Variants in SLC24A2 observed in about 807,000 individuals in gnomAD.
The protein encoded by SLC24A2 is solute carrier family 24 member 2, also known as sodium/potassium/calcium exchanger 2.
A neutral mutation model predicts 62.0 loss-of-function variants in SLC24A2; 36 were observed. The ratio of observed to expected loss-of-function variants is 0.58; its 90% CI spans 0.44 to 0.77. The LOEUF is 0.77. SLC24A2 is among the 30% of genes least tolerant of loss of function. The pLI is 0.00. For synonymous variants in SLC24A2, 358 were observed against 294.0 expected, an observed-to-expected ratio of 1.22 and a Z score of -2.23; for missense variants, 846 against 817.9, an observed-to-expected ratio of 1.03 and a Z score of -0.42.
In SLC24A2 at chr9:19,707,933, G is replaced by A. The variant is rs1364635564; in HGVS notation, c.930+78004C>T. Among the ~76,000 whole-genome samples, 5 of 152,152 alleles carry A rather than the reference G, an allele frequency of 3.3e-5. No homozygotes were observed. The East Asian group carries it at 7.7e-4, about 23-fold the overall frequency. ...AATTAGGCAGGAGAAGGAAATAAAG[G>A]GTATTCAATTAGGAAAAGAGGAAGT... On this transcript the variant is annotated intron_variant, in intron 2 of 10. Coordinates refer to ENST00000341998, the MANE Select transcript of SLC24A2 (RefSeq NM_020344.4).
At chr9:20,007,301 G>C in the SLC24A2 span, among the ~76,000 whole-genome samples, 1 of 152,118 alleles carries the variant, frequency 6.6e-6, no homozygotes, top group Non-Finnish European at 1.5e-5. Flanking sequence ...CTTGGAAGTG[G>C]CTGCTGGTAA....
At chr9:19,526,799 C>T (rs992598610) in intron 9 of SLC24A2, among the ~76,000 whole-genome samples, 6 of 151,904 alleles carry the variant, frequency 3.9e-5, no homozygotes, top group South Asian at 2.1e-4. Flanking sequence ...TGTGGTTTTC[C>T]TTTTCCTTTT....
At chr9:20,054,548 G>C in the SLC24A2 span, among the ~76,000 whole-genome samples, 2 of 152,072 alleles carry the variant, frequency 1.3e-5, no homozygotes, top group South Asian at 2.1e-4. Flanking sequence ...GCATACACTG[G>C]TACCCAAAGT....
At chr9:19,730,714 C>A (rs145765198) in intron 2 of SLC24A2, among the ~76,000 whole-genome samples, 1 of 152,022 alleles carries the variant, frequency 6.6e-6, no homozygotes, top group African/African-American at 2.4e-5. Context: ...GCCTGAATTG[C>A]TAAAATATGA....
At chr9:20,052,547 T>C in the SLC24A2 span, among the ~76,000 whole-genome samples, 1 of 152,248 alleles carries the variant, frequency 6.6e-6, no homozygotes, top group Non-Finnish European at 1.5e-5. Context: ...TTTCTTTTTC[T>C]TGCTTCAATC....
Position 19,532,691 on chromosome 9 carries a change from T to A in SLC24A2, c.1480-4553A>T, listed in dbSNP as rs536440541. Among the ~76,000 whole-genome samples, 4 of 152,312 alleles carry A rather than the reference T, an allele frequency of 2.6e-5. No homozygotes were observed. The East Asian group carries it at 7.7e-4, about 29-fold the overall frequency. ...TTTGCGTCTTTCTAGCTGGGTGTGC[T>A]TGAATAAGTCACCAAACCTCTGTGG... On this transcript the variant is annotated intron_variant, in intron 8 of 10. Transcript: ENST00000341998.
At chr9:20,026,567 A>G in the SLC24A2 span, among the ~76,000 whole-genome samples, 1 of 152,180 alleles carries the variant, frequency 6.6e-6, no homozygotes. Flanking sequence ...AGAACACACA[A>G]TAGGGACAGG....
chr9:20,122,245 A>G, the SLC24A2 span, among the ~76,000 whole-genome samples: 6 of 152,234 alleles, frequency 3.9e-5, no homozygotes, highest in African/African-American at 1.4e-4. Context: ...TTACTTGTCT[A>G]CTAAGCCCGC....
In SLC24A2 at chr9:19,671,921, A is replaced by AT. The variant is rs1421847022; in HGVS notation, c.931-49623dup. The stretch of plus-strand genomic sequence containing the variant: ...TATGAAACCCAATTGATTATGGTGG[A>AT]TTTTTTTTTGATATGCTTTTGGGTT... On this transcript the variant is annotated intron_variant, in intron 2 of 10. Transcript: ENST00000341998. Among the ~76,000 whole-genome samples the AT allele has an allele frequency of 1.5e-4, 21 of 144,808 alleles. 1 individual carries two copies. Among genetic ancestry groups the AT allele is most frequent in the African/African-American group, 2.5e-4 (9 of 36,552 alleles). 95.0% of individuals were successfully genotyped at this position (144,808 alleles called of 152,430 possible). A position where few individuals can be genotyped will look rare whatever the true frequency, so the allele number is the denominator to read the frequency against.
the SLC24A2 span, among the ~76,000 whole-genome samples, chr9:20,135,273 A>T: frequency 2.0e-5 from 3 of 151,888 alleles, no homozygotes; most frequent in Non-Finnish European, 2.9e-5. Context: ...AATCATTTTT[A>T]TTTTTTAAAT....
rs66668393 is a variant in SLC24A2 at position 19,695,679 on chromosome 9, C to CAAA, written c.931-73383_931-73381dup. ...TCATAGCAGCATTGCTTGTTAGTAG[C>CAAA]AAAAAAAAAAAAAAAAAAAAAAAAC... On this transcript the variant is annotated intron_variant, in intron 2 of 10. Coordinates refer to ENST00000341998, the MANE Select transcript of SLC24A2 (RefSeq NM_020344.4). 3.6e-3 allele frequency among the ~76,000 whole-genome samples: 264 copies of CAAA among 73,532 alleles called. 4 individuals are homozygous for CAAA. Among genetic ancestry groups the CAAA allele is most frequent in the South Asian group, 6.6e-3 (10 of 1,508 alleles). 48.2% of individuals were successfully genotyped at this position (73,532 alleles called of 152,430 possible). A position where few individuals can be genotyped will look rare whatever the true frequency, so the allele number is the denominator to read the frequency against.
At chr9:19,529,182 A>G (rs1298038199) in intron 8 of SLC24A2, among the ~76,000 whole-genome samples, 2 of 152,308 alleles carry the variant, frequency 1.3e-5, no homozygotes, top group East Asian at 1.9e-4. Flanking sequence ...TTTTGCTTTG[A>G]TAATGCCATC....
rs1487713006 is a variant in SLC24A2 at position 19,508,464 on chromosome 9, CT to C, written c.*7688del. ...TACCCAGTTCTGGTGGATTTCTAGA[CT>C]ATTAAGTGCTTTTTAGTAATTACTT... On this transcript the variant is annotated 3_prime_UTR_variant, in exon 11 of 11. Coordinates refer to ENST00000341998, the MANE Select transcript of SLC24A2 (RefSeq NM_020344.4). 6.6e-6 allele frequency: 1 copy of C among 152,102 alleles called. No individual in the cohort carries two copies. The highest frequency in any genetic ancestry group is 2.4e-5 in the African/African-American group (1 of 41,414). The allele number at this position is 152,102 out of a possible 1,614,324, so 9.4% of individuals were successfully genotyped here.
chr9:20,010,791 G>C, the SLC24A2 span, among the ~76,000 whole-genome samples: 1 of 133,740 alleles, frequency 7.5e-6, no homozygotes, highest in Non-Finnish European at 1.5e-5. Flanking sequence ...CCTGGTGTGT[G>C]ATGTTCCCCT....
the SLC24A2 span, among the ~76,000 whole-genome samples, chr9:19,846,278 G>A: frequency 6.6e-6 from 1 of 152,294 alleles, no homozygotes; most frequent in Admixed American, 6.5e-5. Context: ...GTATGCCAAT[G>A]TTGGGTGCGC....
intron 10 of SLC24A2, among the ~76,000 whole-genome samples, 187 bp from the exon 11 acceptor site, chr9:19,516,589 T>A: frequency 6.6e-6 from 1 of 152,166 alleles, no homozygotes; most frequent in South Asian, 2.1e-4. Flanking sequence ...AAATAAGACT[T>A]TAAAAACCTT....
At chr9:19,544,255 C>CTTTTTTTTTTTTTTTTTT (rs375479154) in intron 8 of SLC24A2, among the ~76,000 whole-genome samples, 2 of 124,042 alleles carry the variant, frequency 1.6e-5, no homozygotes, top group African/African-American at 6.3e-5. Context: ...GCAACCCCTG[C>CTTTTTTTTTTTTTTTTTT]TTTTTTTTTT....
chr9:20,087,985 C>G, the SLC24A2 span, among the ~76,000 whole-genome samples: 2 of 152,156 alleles, frequency 1.3e-5, no homozygotes, highest in Non-Finnish European at 2.9e-5. Context: ...CAGGAGATCC[C>G]CTCGTGAATC....
intron 2 of SLC24A2, among the ~76,000 whole-genome samples, chr9:19,673,992 G>A (rs1819494261): frequency 6.6e-6 from 1 of 152,120 alleles, no homozygotes; most frequent in African/African-American, 2.4e-5. Context: ...GCTTTAAGGA[G>A]GTTCTATTTT....
Sources: gnomAD v4.1 joint callset for allele counts (sites outside exome capture counted in the v4.1 genomes callset) on GRCh38, gnomAD v4.1.1 for gene constraint, MANE v1.5 for transcripts, NCBI Gene and HGNC (gene_info 2026-07-23, HGNC 2026-07-21) for gene names.